RYR3: variants seen among roughly 807,000 people sequenced by gnomAD.
The protein encoded by RYR3 is ryanodine receptor 3, also known as brain ryanodine receptor-calcium release channel.
Under a neutral mutation model 584.3 loss-of-function variants are expected in RYR3, and 207 were observed. The observed-to-expected ratio is 0.35, with a 90% confidence interval of 0.32 to 0.40. The LOEUF is 0.40. Among genes scored for constraint, RYR3 ranks in the 10% least tolerant of loss-of-function variants. The pLI is 1.00. For missense variants in RYR3, 5,616 were observed against 6,089.2 expected (o/e 0.92, Z 2.59); for synonymous variants, 2,416 against 2,248.5 (o/e 1.07, Z -2.11).
At chr15:33,803,461 C>A (rs138098499) in intron 69 of RYR3, among the ~76,000 whole-genome samples, 1 of 152,160 alleles carries the variant, frequency 6.6e-6, no homozygotes, top group Non-Finnish European at 1.5e-5. Context: ...ACAGCCTCTT[C>A]TTTGACTCAT....
chr15:33,864,028 G>GTAGA lies in RYR3; in HGVS notation c.14466-106_14466-103dup, dbSNP rs1442715249. 10 of 713,172 alleles carry GTAGA rather than the reference G, an allele frequency of 1.4e-5. No individual in the cohort carries two copies. The East Asian group carries it at 2.2e-4, about 15-fold the overall frequency. 44.2% of individuals were successfully genotyped at this position (713,172 alleles called of 1,614,324 possible). The stretch of plus-strand genomic sequence containing the variant: ...CACTTCCCTGATCATTTAAGTCACT[G>GTAGA]TAGATAGCGTGGGACCAACTAGCCT... On this transcript the variant is annotated intron_variant, in intron 102 of 103. Coordinates refer to ENST00000634891, the MANE Select transcript of RYR3 (RefSeq NM_001036.6).
Position 33,743,616 on chromosome 15 carries a change from A to C in RYR3, c.7899+1172A>C, listed in dbSNP as rs568473731. On this transcript the variant is annotated intron_variant, in intron 52 of 103. Coordinates refer to ENST00000634891, the MANE Select transcript of RYR3 (RefSeq NM_001036.6). The stretch of plus-strand genomic sequence containing the variant: ...TTTGGCCAGCCTGTGAATTAGGGAG[A>C]AGAGTCACCTCCAGGAGCCCACAGC... Among the ~76,000 whole-genome samples, 8 of 152,294 alleles carry C rather than the reference A, an allele frequency of 5.3e-5. No individual in the cohort carries two copies. The East Asian group carries it at 1.3e-3, about 26-fold the overall frequency.
chr15:33,725,180 C>CACACACACACACACACACACATATATAT lies in RYR3; in HGVS notation c.6912+1025_6912+1026insTATATATACACACACACACACACACACA, dbSNP rs1555427016. Among the ~76,000 whole-genome samples, 860 of 143,874 alleles carry CACACACACACACACACACACATATATAT rather than the reference C, an allele frequency of 6.0e-3. 9 individuals carry two copies. The highest frequency in any genetic ancestry group is 0.01 in the South Asian group (41 of 3,914). 94.4% of individuals were successfully genotyped at this position (143,874 alleles called of 152,430 possible). A position where few individuals can be genotyped will look rare whatever the true frequency, so the allele number is the denominator to read the frequency against. ...ACACACACACACACACACACACACACACACACACACACACACACACACATA... is the reference window on the plus strand; with the variant it reads ...ACACACACACACACACACACACACACACACACACACACACACACACATATATATACACACACACACACACACACACATA... On this transcript the variant is annotated intron_variant, in intron 45 of 103. Coordinates refer to ENST00000634891, the MANE Select transcript of RYR3 (RefSeq NM_001036.6).
Position 33,738,578 on chromosome 15 carries a change from G to A in RYR3, c.7644G>A (p.Ser2548=), listed in dbSNP as rs763362837. The A allele has an allele frequency of 3.0e-5, 48 of 1,613,748 alleles. 1 individual carries two copies. The highest frequency in any genetic ancestry group is 5.0e-5 in the Admixed American group (3 of 59,980). ...TEKLFWGIFD[S]LSHKKYDPDL... ...AGCTTTTCTGGGGGATTTTTGACTC[G>A]CTCTCCCATAAGGTAATGACAGTAC... Residue 2548 remains serine, a synonymous_variant, in exon 50 of 104, where the codon TCG becomes TCA. Coordinates refer to ENST00000634891, the MANE Select transcript of RYR3 (RefSeq NM_001036.6).
At chr15:33,738,416 A>T in intron 49 of RYR3, 34 bp from the exon 50 acceptor site, 1 of 1,586,968 alleles carries the variant, frequency 6.3e-7, no homozygotes, top group East Asian at 2.3e-5. Context: ...TCTCTATGCC[A>T]CCCCGCTGGT....
chr15:33,788,983 T>C (rs1008871098), intron 67 of RYR3, among the ~76,000 whole-genome samples: 5 of 152,100 alleles, frequency 3.3e-5, no homozygotes, highest in Non-Finnish European at 4.4e-5. Flanking sequence ...GTTGTGTTTT[T>C]AGATAGAATG....
intron 1 of RYR3, among the ~76,000 whole-genome samples, chr15:33,338,184 A>G (rs1489072154): frequency 2.0e-5 from 3 of 151,978 alleles, no homozygotes; most frequent in Middle Eastern, 6.8e-3. Flanking sequence ...TGACCTTGTG[A>G]TCTGCCCGTC....
At chr15:33,547,849 G>T (rs2056362320) in intron 8 of RYR3, among the ~76,000 whole-genome samples, 1 of 152,182 alleles carries the variant, frequency 6.6e-6, no homozygotes, top group Non-Finnish European at 1.5e-5. Flanking sequence ...TATAGAAATG[G>T]AGATGTTCTT....
At chr15:33,704,248 T>A (rs570078100) in intron 42 of RYR3, among the ~76,000 whole-genome samples, 35 of 141,926 alleles carry the variant, frequency 2.5e-4, no homozygotes, top group South Asian at 1.6e-3. Flanking sequence ...CACTCCAGCC[T>A]GGGAGCCTGG....
chr15:33,366,670 T>C (rs1483704496), intron 1 of RYR3, among the ~76,000 whole-genome samples: 2 of 152,126 alleles, frequency 1.3e-5, no homozygotes, highest in South Asian at 2.1e-4. Context: ...AGGGGTTTGC[T>C]AGGAAAATGA....
intron 67 of RYR3, among the ~76,000 whole-genome samples, chr15:33,790,976 T>C (rs533458594): frequency 1.3e-5 from 2 of 152,334 alleles, no homozygotes; most frequent in Admixed American, 1.3e-4. Flanking sequence ...CTGGGCATTA[T>C]ATTAAGCAGC....
At chr15:33,560,172 A>G (rs1355774565) in intron 10 of RYR3, among the ~76,000 whole-genome samples, 1 of 152,232 alleles carries the variant, frequency 6.6e-6, no homozygotes, top group Non-Finnish European at 1.5e-5. Flanking sequence ...ATGTGCTGTC[A>G]ATAAAATCAA....
In RYR3 at chr15:33,662,803, A is replaced by G. The variant is rs2063244543; in HGVS notation, c.5273A>G (p.His1758Arg). ...ATTGATCCCTCTGTGTTTGGGGAGC[A>G]TAGTGCGGGGACAGAGGAGGGAGCA... ...LLIDPSVFGE[H>R]SAGTEEGAEK... Residue 1758 changes from histidine to arginine, a missense_variant, in exon 35 of 104, where the codon CAT becomes CGT. By Grantham distance (29) the His-to-Arg change is conservative. This residue lies in a region of RYR3 where 753 missense variants were observed against 741.0 expected (regional missense o/e 1.02). Transcript: ENST00000634891. 4 of 1,613,998 alleles carry G rather than the reference A, an allele frequency of 2.5e-6. No homozygotes were observed. Among genetic ancestry groups the G allele is most frequent in the Middle Eastern group, 1.6e-4 (1 of 6,062 alleles).
chr15:33,388,160 C>CAA (rs1438284161), intron 1 of RYR3, among the ~76,000 whole-genome samples: 1 of 152,064 alleles, frequency 6.6e-6, no homozygotes, highest in Non-Finnish European at 1.5e-5. Flanking sequence ...AGGCCACCTG[C>CAA]AAAAGATCAG....
intron 1 of RYR3, among the ~76,000 whole-genome samples, chr15:33,392,286 C>A (rs1054085156): frequency 6.6e-6 from 1 of 151,160 alleles, no homozygotes; most frequent in East Asian, 2.0e-4. Flanking sequence ...TTAGGGTGAA[C>A]CTTTCCAAAT....
intron 1 of RYR3, among the ~76,000 whole-genome samples, chr15:33,399,954 T>G (rs2141361138): frequency 6.6e-6 from 1 of 152,276 alleles, no homozygotes; most frequent in East Asian, 1.9e-4. Flanking sequence ...AATGAATTAC[T>G]ACACAGTCCA....
At position 33,421,723 on chromosome 15, in the gene RYR3, G is replaced by A. The variant is rs144582100; in HGVS notation, c.52-51696G>A. On this transcript the variant is annotated intron_variant, in intron 1 of 103. Transcript: ENST00000634891. The stretch of plus-strand genomic sequence containing the variant: ...AACTCACAGGAGTTTATAAATCTGA[G>A]TATTATTCTGTGAATTATTATTTAG... Among the ~76,000 whole-genome samples, 941 of 152,172 alleles carry A rather than the reference G, an allele frequency of 6.2e-3. 2 individuals carry two copies. Among genetic ancestry groups the A allele is most frequent in the African/African-American group, 0.021 (881 of 41,516 alleles).
chr15:33,734,869 T>C (rs1426599674), intron 48 of RYR3, among the ~76,000 whole-genome samples: 1 of 151,910 alleles, frequency 6.6e-6, no homozygotes, highest in Admixed American at 6.6e-5. Flanking sequence ...TTTTGTATTT[T>C]TAGTAGAAAA....
intron 38 of RYR3, among the ~76,000 whole-genome samples, chr15:33,675,082 G>T (rs529726088): frequency 6.6e-6 from 1 of 152,192 alleles, no homozygotes; most frequent in Non-Finnish European, 1.5e-5. Flanking sequence ...GTGACAGAGC[G>T]AAAATTCTGT....
Sources: gnomAD v4.1 joint callset for allele counts (sites outside exome capture counted in the v4.1 genomes callset) on GRCh38, gnomAD v4.1.1 for gene constraint, gnomAD v4.1.1 regional missense constraint, MANE v1.5 for transcripts, NCBI Gene and HGNC (gene_info 2026-07-23, HGNC 2026-07-21) for gene names.